Variants in KCNIP4 observed in about 807,000 individuals in gnomAD.
The protein encoded by KCNIP4 is Kv channel-interacting protein 4.
Under a neutral mutation model 34.0 loss-of-function variants are expected in KCNIP4, and 12 were observed. The observed-to-expected ratio is 0.35, with a 90% CI of 0.23 to 0.57. The LOEUF is 0.57. Ranked by LOEUF, KCNIP4 falls within the 20% of genes least tolerant of loss-of-function variation. KCNIP4 has a pLI of 0.83. For missense variants in KCNIP4, 238 were observed against 311.7 expected (o/e 0.76, Z 1.78); for synonymous variants, 124 against 102.2 (o/e 1.21, Z -1.29).
intron 1 of KCNIP4, among the ~76,000 whole-genome samples, chr4:21,146,535 G>A (rs982884966): frequency 1.2e-4 from 19 of 152,328 alleles, no homozygotes; most frequent in Non-Finnish European, 2.6e-4. Context: ...AGGTCAGAGA[G>A]TCTGCTGTAC....
intron 1 of KCNIP4, among the ~76,000 whole-genome samples, chr4:21,123,124 G>A (rs1750310762): frequency 6.6e-6 from 1 of 152,018 alleles, no homozygotes; most frequent in Non-Finnish European, 1.5e-5. Context: ...TGAGGCAGGA[G>A]AATGGCGTGA....
At chr4:21,286,173 C>G (rs1321942493) in intron 1 of KCNIP4, among the ~76,000 whole-genome samples, 1 of 152,146 alleles carries the variant, frequency 6.6e-6, no homozygotes, top group East Asian at 1.9e-4. Flanking sequence ...AGCCTCACAG[C>G]TATCAACTTT....
intron 1 of KCNIP4, among the ~76,000 whole-genome samples, chr4:21,113,251 T>C (rs893157892): frequency 6.6e-6 from 1 of 151,966 alleles, no homozygotes; most frequent in African/African-American, 2.4e-5. Flanking sequence ...CTTTCAAAAG[T>C]AACAAAGAAA....
intron 1 of KCNIP4, among the ~76,000 whole-genome samples, chr4:21,622,658 T>C (rs1402260488): frequency 6.6e-6 from 1 of 152,148 alleles, no homozygotes; most frequent in Non-Finnish European, 1.5e-5. Flanking sequence ...AAAATTTAAT[T>C]AAAACTATAA....
chr4:21,637,232 G>T lies in KCNIP4; in HGVS notation c.61+311339C>A, dbSNP rs374843587. 8.5e-5 allele frequency among the ~76,000 whole-genome samples: 13 copies of T among 152,180 alleles called. No individual in the cohort carries two copies. The East Asian group carries it at 2.3e-3, about 27-fold the overall frequency. On this transcript the variant is annotated intron_variant, in intron 1 of 8. Transcript: ENST00000382152. ...TTCTCAAAATAGTTCTCCAGGTCGG[G>T]TATCATTATTTTAATTTTAAAGACG...
intron 1 of KCNIP4, among the ~76,000 whole-genome samples, chr4:21,773,175 C>A (rs759271561): frequency 9.9e-5 from 15 of 151,976 alleles, no homozygotes; most frequent in Non-Finnish European, 2.1e-4. Context: ...CATTATTTAC[C>A]CAGGAGTCAT....
chr4:21,737,379 C>A (rs1716065416), intron 1 of KCNIP4, among the ~76,000 whole-genome samples: 1 of 151,086 alleles, frequency 6.6e-6, no homozygotes, highest in South Asian at 2.1e-4. Flanking sequence ...TTTTAATGGC[C>A]CAAAATATGT....
At chr4:20,808,000 T>A (rs532698197) in intron 3 of KCNIP4, among the ~76,000 whole-genome samples, 1 of 152,284 alleles carries the variant, frequency 6.6e-6, no homozygotes, top group South Asian at 2.1e-4. Flanking sequence ...AAGGCAGTTT[T>A]AGAGAACTTG....
chr4:21,109,023 C>T (rs556772732), intron 1 of KCNIP4, among the ~76,000 whole-genome samples: 28 of 152,282 alleles, frequency 1.8e-4, no homozygotes, highest in African/African-American at 6.7e-4. Context: ...GGGGTGCCTC[C>T]CAGTTAGGCT....
chr4:20,838,185 A>T (rs1011629574), intron 3 of KCNIP4, among the ~76,000 whole-genome samples: 5 of 152,120 alleles, frequency 3.3e-5, no homozygotes, highest in African/African-American at 1.2e-4. Context: ...ATATGCATTC[A>T]GTTCTGATGT....
chr4:21,054,568 G>T (rs1044671497), intron 1 of KCNIP4, among the ~76,000 whole-genome samples: 7 of 149,826 alleles, frequency 4.7e-5, no homozygotes, highest in Middle Eastern at 3.3e-3. Flanking sequence ...ATAGAAAAAA[G>T]AATTCAAAAA....
intron 1 of KCNIP4, among the ~76,000 whole-genome samples, chr4:21,429,478 T>A (rs1726247149): frequency 6.6e-6 from 1 of 152,180 alleles, no homozygotes; most frequent in Admixed American, 6.6e-5. Context: ...ACATAGGTTT[T>A]CAGCTCCTTT....
At chr4:21,526,838 T>C (rs951278310) in intron 1 of KCNIP4, among the ~76,000 whole-genome samples, 3 of 152,196 alleles carry the variant, frequency 2.0e-5, no homozygotes, top group African/African-American at 2.4e-5. Context: ...CTTCTACTCA[T>C]TGAAACAACT....
intron 1 of KCNIP4, among the ~76,000 whole-genome samples, chr4:21,607,124 A>T (rs1042838498): frequency 6.6e-6 from 1 of 152,046 alleles, no homozygotes; most frequent in Non-Finnish European, 1.5e-5. Flanking sequence ...CTGTCACAAC[A>T]GCTGTGAAAA....
intron 2 of KCNIP4, among the ~76,000 whole-genome samples, chr4:20,866,962 G>T (rs1722938379): frequency 6.6e-6 from 1 of 152,008 alleles, no homozygotes; most frequent in Non-Finnish European, 1.5e-5. Flanking sequence ...GGAGGTGAAA[G>T]ATCTCCACAA....
intron 1 of KCNIP4, among the ~76,000 whole-genome samples, chr4:21,696,271 G>A (rs1434677876): frequency 6.6e-6 from 1 of 151,924 alleles, no homozygotes; most frequent in Non-Finnish European, 1.5e-5. Context: ...TTATCGCCAA[G>A]ACTTTACTTT....
chr4:20,747,698 A>G, intron 5 of KCNIP4, among the ~76,000 whole-genome samples: 1 of 151,984 alleles, frequency 6.6e-6, no homozygotes, highest in East Asian at 1.9e-4. Flanking sequence ...CACTTAAGTT[A>G]TGGGAGATGA....
Position 20,858,810 on chromosome 4 carries a change from G to A in KCNIP4, c.164-8143C>T, listed in dbSNP as rs115047776. Among the ~76,000 whole-genome samples the A allele has an allele frequency of 8.5e-3, 1,301 of 152,310 alleles. 11 individuals carry two copies. Among genetic ancestry groups the A allele is most frequent in the African/African-American group, 0.012 (492 of 41,576 alleles). On this transcript the variant is annotated intron_variant, in intron 2 of 8. Coordinates refer to ENST00000382152, the MANE Select transcript of KCNIP4 (RefSeq NM_025221.6). ...CCATTTTAATACAGACAGAAGTTCA[G>A]TGAGATAGCTACATTTTACAAGAAG...
intron 1 of KCNIP4, among the ~76,000 whole-genome samples, chr4:21,492,749 G>A (rs747228152): frequency 1.4e-4 from 22 of 152,066 alleles, no homozygotes; most frequent in Non-Finnish European, 2.8e-4. Flanking sequence ...AAACTATAAA[G>A]CCAATTATAT....
Sources: allele counts gnomAD v4.1 joint callset (sites outside exome capture counted in the v4.1 genomes callset), GRCh38; gene constraint gnomAD v4.1.1; transcripts MANE v1.5; gene names NCBI Gene and HGNC (gene_info 2026-07-23, HGNC 2026-07-21).